Variants in NRXN3 observed in about 807,000 individuals in gnomAD.
NRXN3 encodes the protein neurexin 3, also known as neurexin III.
In NRXN3, 32 loss-of-function variants were observed where a neutral mutation model predicts 137.6. That is an observed-to-expected ratio of 0.23 (90% CI 0.18 to 0.31). The LOEUF (loss-of-function observed/expected upper bound fraction) is 0.31, where lower values mean the gene tolerates loss of function less well. NRXN3 is among the 10% of genes least tolerant of loss of function. NRXN3 has a pLI of 1.00. For missense variants in NRXN3, 1,574 were observed against 2,062.5 expected (o/e 0.76, Z 4.59); for synonymous variants, 798 against 784.5 (o/e 1.02, Z -0.29).
chr14:78,557,866 T>A (rs1354698453), intron 4 of NRXN3, among the ~76,000 whole-genome samples: 1 of 152,238 alleles, frequency 6.6e-6, no homozygotes, highest in African/African-American at 2.4e-5. Flanking sequence ...CATCTGTTAC[T>A]TATTTATTGA....
chr14:78,656,642 G>A (rs79123132), intron 6 of NRXN3, among the ~76,000 whole-genome samples: 5,089 of 152,154 alleles, frequency 0.033, 276 homozygotes, highest in African/African-American at 0.12. Context: ...GGTCAGATTG[G>A]CATCTTACCC....
intron 8 of NRXN3, among the ~76,000 whole-genome samples, chr14:78,762,374 C>T (rs1453204826): frequency 3.3e-5 from 5 of 152,146 alleles, no homozygotes; most frequent in East Asian, 3.9e-4. Flanking sequence ...GGTAAGGGAA[C>T]GGACGAGCGT....
At chr14:79,377,571 T>C (rs1453749104) in intron 15 of NRXN3, among the ~76,000 whole-genome samples, 2 of 150,988 alleles carry the variant, frequency 1.3e-5, no homozygotes, top group African/African-American at 4.9e-5. Flanking sequence ...CTGGCCAACA[T>C]AGCGAAACTC....
intron 16 of NRXN3, among the ~76,000 whole-genome samples, chr14:79,563,850 G>A (rs555574183): frequency 4.6e-5 from 7 of 152,050 alleles, no homozygotes; most frequent in Admixed American, 2.0e-4. Flanking sequence ...AAATGATTCT[G>A]ACTGGAACAC....
chr14:79,653,554 T>C (rs993606361), intron 16 of NRXN3, among the ~76,000 whole-genome samples: 2 of 152,192 alleles, frequency 1.3e-5, no homozygotes, highest in Non-Finnish European at 2.9e-5. Context: ...GCCTCTAATT[T>C]ATTTCTCTGC....
At chr14:78,702,296 CATAAATAA>C (rs35998815) in intron 6 of NRXN3, among the ~76,000 whole-genome samples, 10 of 149,734 alleles carry the variant, frequency 6.7e-5, no homozygotes, top group Non-Finnish European at 1.2e-4. Context: ...ATATGAAGTT[CATAAATAA>C]ATAATATATA....
rs150900234 is a variant in NRXN3 at position 78,675,419 on chromosome 14, G to A, written c.1221+24093G>A. 4.3e-3 allele frequency among the ~76,000 whole-genome samples: 650 copies of A among 152,324 alleles called. 3 individuals are homozygous for A. Among genetic ancestry groups the A allele is most frequent in the Admixed American group, 0.01 (153 of 15,294 alleles). On this transcript the variant is annotated intron_variant, in intron 6 of 20. Transcript: ENST00000335750. ...GAAAGGAGTCAAAGGAAGAAGAGAA[G>A]CCAAGTGCATGGATCCAGGAGAGTA... is the stretch of plus-strand genomic sequence containing the variant.
chr14:78,681,937 G>A (rs1020398194), intron 6 of NRXN3, among the ~76,000 whole-genome samples: 4 of 151,842 alleles, frequency 2.6e-5, no homozygotes, highest in African/African-American at 9.7e-5. Context: ...GCACAACCTC[G>A]GCCCACTGCA....
At chr14:79,798,797 GCTCAC>G (rs1380342968) in intron 19 of NRXN3, among the ~76,000 whole-genome samples, 3 of 152,206 alleles carry the variant, frequency 2.0e-5, no homozygotes, top group African/African-American at 7.2e-5. Context: ...TCTGATCACA[GCTCAC>G]AGCAGTAGAC....
At chr14:78,753,473 G>A (rs1204708071) in intron 8 of NRXN3, among the ~76,000 whole-genome samples, 1 of 152,164 alleles carries the variant, frequency 6.6e-6, no homozygotes, top group Non-Finnish European at 1.5e-5. Flanking sequence ...ACCTGAAAGA[G>A]CTTTTAAGAA....
chr14:79,187,131 C>T (rs1034997975), intron 15 of NRXN3, among the ~76,000 whole-genome samples: 1 of 152,116 alleles, frequency 6.6e-6, no homozygotes, highest in Non-Finnish European at 1.5e-5. Flanking sequence ...GCCAGAGTAC[C>T]CAAGTGTGAT....
Position 78,174,219 on chromosome 14 carries a change from T to C in NRXN3, c.-704+3545T>C, listed in dbSNP as rs554550271. On this transcript the variant is annotated intron_variant, in intron 1 of 20. Coordinates refer to ENST00000335750, the MANE Select transcript of NRXN3 (RefSeq NM_001330195.2). ...TGTTTGCGGTACATTGGAGGAAGGTTATGTGGGGGAGGCAGAGTCTGACGG... is the reference window on the plus strand; with the variant it reads ...TGTTTGCGGTACATTGGAGGAAGGTCATGTGGGGGAGGCAGAGTCTGACGG... Among the ~76,000 whole-genome samples, 3 of 152,180 alleles carry C rather than the reference T, an allele frequency of 2.0e-5. No individual in the cohort carries two copies. The East Asian group carries it at 5.8e-4, about 29-fold the overall frequency.
At chr14:78,611,800 A>G (rs2097303161) in intron 4 of NRXN3, among the ~76,000 whole-genome samples, 1 of 152,364 alleles carries the variant, frequency 6.6e-6, no homozygotes, top group South Asian at 2.1e-4. Context: ...CTGCAGGTGC[A>G]GAGAAAGTCT....
At chr14:79,632,606 C>T (rs1289094660) in intron 16 of NRXN3, among the ~76,000 whole-genome samples, 1 of 152,184 alleles carries the variant, frequency 6.6e-6, no homozygotes, top group Non-Finnish European at 1.5e-5. Flanking sequence ...AATTTCACTT[C>T]ATGATTAAAA....
intron 8 of NRXN3, among the ~76,000 whole-genome samples, chr14:78,802,944 AAAAAAAT>A (rs2098843952): frequency 6.6e-6 from 1 of 152,158 alleles, no homozygotes; most frequent in African/African-American, 2.4e-5. Flanking sequence ...AGACTGTCTC[AAAAAAAT>A]AAAAAATAAA....
chr14:79,786,731 A>C (rs2099130571), intron 19 of NRXN3, among the ~76,000 whole-genome samples: 1 of 152,222 alleles, frequency 6.6e-6, no homozygotes, highest in Non-Finnish European at 1.5e-5. Context: ...CCAATGTTCA[A>C]CTAAGATTTA....
chr14:79,604,145 C>T (rs1380535754), intron 16 of NRXN3, among the ~76,000 whole-genome samples: 1 of 151,854 alleles, frequency 6.6e-6, no homozygotes, highest in African/African-American at 2.4e-5. Context: ...CCCGCCTCGG[C>T]CTCCCAAGGT....
intron 19 of NRXN3, among the ~76,000 whole-genome samples, chr14:79,777,502 G>A (rs2140004688): frequency 6.6e-6 from 1 of 151,206 alleles, no homozygotes; most frequent in South Asian, 2.1e-4. Context: ...TTCCTTTGCT[G>A]AAAGTAGTAC....
intron 6 of NRXN3, among the ~76,000 whole-genome samples, chr14:78,689,123 G>T (rs1296769524): frequency 6.6e-6 from 1 of 151,962 alleles, no homozygotes; most frequent in Non-Finnish European, 1.5e-5. Context: ...GATGCTCTTT[G>T]TGTTTCTGTT....
Sources: gnomAD v4.1 joint callset for allele counts (sites outside exome capture counted in the v4.1 genomes callset) on GRCh38, gnomAD v4.1.1 for gene constraint, MANE v1.5 for transcripts, NCBI Gene and HGNC (gene_info 2026-07-23, HGNC 2026-07-21) for gene names.